The following LRP1B variants were observed in gnomAD, a reference collection of about 807,000 sequenced individuals.
LRP1B encodes LDL receptor related protein 1B.
In LRP1B, 217 loss-of-function variants were observed where a neutral mutation model predicts 556.6. The observed-to-expected ratio is 0.39, with a 90% CI of 0.35 to 0.44. The LOEUF is 0.44. Among genes scored for constraint, LRP1B ranks in the 20% least tolerant of loss-of-function variants. LRP1B has a pLI of 1.00. For missense variants in LRP1B, 5,053 were observed against 5,620.8 expected, an observed-to-expected ratio of 0.90 and a Z score of 3.23; for synonymous variants, 2,047 against 1,865.8, an observed-to-expected ratio of 1.10 and a Z score of -2.50.
At chr2:140,430,934 G>A (rs1291756118) in intron 66 of LRP1B, among the ~76,000 whole-genome samples, 2 of 152,134 alleles carry the variant, frequency 1.3e-5, no homozygotes, top group Non-Finnish European at 2.9e-5. Context: ...TTACTCACAT[G>A]CCCTGAGTCA....
intron 3 of LRP1B, among the ~76,000 whole-genome samples, chr2:141,428,034 G>T (rs894707037): frequency 2.0e-5 from 3 of 152,076 alleles, no homozygotes; most frequent in Non-Finnish European, 2.9e-5. Context: ...AAGCCCTCTG[G>T]ATGTTATCCC....
intron 2 of LRP1B, among the ~76,000 whole-genome samples, chr2:141,562,625 C>A: frequency 6.6e-6 from 1 of 151,792 alleles, no homozygotes; most frequent in Non-Finnish European, 1.5e-5. Context: ...CAAGGGTATT[C>A]CAGGCAGAGA....
chr2:140,643,486 G>A (rs1346835999), intron 41 of LRP1B, among the ~76,000 whole-genome samples: 2 of 152,104 alleles, frequency 1.3e-5, no homozygotes, highest in Non-Finnish European at 2.9e-5. Flanking sequence ...ACATTTAAAT[G>A]ACAGAACAAG....
In LRP1B at chr2:140,324,043, C is replaced by T. The variant is rs201307818; in HGVS notation, c.12364G>A (p.Asp4122Asn). The T allele has an allele frequency of 1.1e-4, 179 of 1,607,832 alleles. No homozygotes were observed. The highest frequency in any genetic ancestry group is 1.7e-4 in the Middle Eastern group (1 of 6,048). The part of the protein sequence containing the change: ...KQGLLHPHRI[D>N]IFEDYIYGAG... ...CCATATATATAATCTTCAAAGATAT[C>T]GATCCTATGTGGATGTAATAAACCT... Residue 4122 changes from aspartate to asparagine, a missense_variant, in exon 81 of 91, where the codon GAT becomes AAT. Asp to Asn is a conservative substitution (Grantham distance 23, BLOSUM62 1). Coordinates refer to ENST00000389484, the MANE Select transcript of LRP1B (RefSeq NM_018557.3).
intron 85 of LRP1B, among the ~76,000 whole-genome samples, chr2:140,271,890 TAA>T (rs1682476358): frequency 6.6e-6 from 1 of 151,012 alleles, no homozygotes. Flanking sequence ...TTGAAAATAA[TAA>T]AGTCAAAAAA....
At chr2:141,149,373 TG>T (rs1701865219) in intron 7 of LRP1B, among the ~76,000 whole-genome samples, 1 of 152,124 alleles carries the variant, frequency 6.6e-6, no homozygotes, top group Non-Finnish European at 1.5e-5. Flanking sequence ...GAATATTACG[TG>T]AATAGTTGTA....
chr2:140,783,275 G>A (rs977882137), intron 32 of LRP1B, among the ~76,000 whole-genome samples: 1 of 151,800 alleles, frequency 6.6e-6, no homozygotes, highest in African/African-American at 2.4e-5. Context: ...CTTAAAATTA[G>A]ATTTTTCTAA....
At chr2:140,569,781 C>A (rs1681255698) in intron 43 of LRP1B, among the ~76,000 whole-genome samples, 2 of 151,700 alleles carry the variant, frequency 1.3e-5, no homozygotes, top group African/African-American at 2.4e-5. Context: ...CCAGGATAGA[C>A]CATATTTTAG....
chr2:140,782,508 C>T (rs1466539698), intron 32 of LRP1B, among the ~76,000 whole-genome samples: 1 of 152,084 alleles, frequency 6.6e-6, no homozygotes, highest in Non-Finnish European at 1.5e-5. Flanking sequence ...GCCCTGCCAA[C>T]ACCTTGATCT....
intron 2 of LRP1B, among the ~76,000 whole-genome samples, chr2:141,544,865 C>T (rs1479771119): frequency 6.6e-6 from 1 of 151,420 alleles, no homozygotes; most frequent in Non-Finnish European, 1.5e-5. Context: ...GGTGTTTCAC[C>T]ATGTTTTCTA....
intron 3 of LRP1B, among the ~76,000 whole-genome samples, chr2:141,300,286 A>T (rs550363772): frequency 6.6e-6 from 1 of 152,310 alleles, no homozygotes; most frequent in East Asian, 1.9e-4. Context: ...GATTGAGGGA[A>T]TCCCAAAGTC....
At chr2:141,179,241 T>G (rs186495575) in intron 7 of LRP1B, among the ~76,000 whole-genome samples, 32 of 152,144 alleles carry the variant, frequency 2.1e-4, no homozygotes, top group African/African-American at 6.3e-4. Flanking sequence ...GGTCCCAGAT[T>G]GAATTTATGA....
intron 7 of LRP1B, among the ~76,000 whole-genome samples, chr2:141,174,051 G>A (rs1680627553): frequency 6.6e-6 from 1 of 151,390 alleles, no homozygotes; most frequent in African/African-American, 2.4e-5. Context: ...TATTATGCAA[G>A]CACTACATTT....
intron 43 of LRP1B, among the ~76,000 whole-genome samples, chr2:140,571,758 T>C (rs1681330597): frequency 6.6e-6 from 1 of 151,438 alleles, no homozygotes. Context: ...CTTCAAAATA[T>C]AGTTGTAAAA....
intron 35 of LRP1B, among the ~76,000 whole-genome samples, chr2:140,723,689 G>A (rs1051192466): frequency 5.3e-5 from 8 of 152,132 alleles, no homozygotes; most frequent in African/African-American, 1.7e-4. Flanking sequence ...ATTATCTCTT[G>A]TTGCCATATG....
chr2:141,826,360 T>C (rs1307210819), intron 1 of LRP1B, among the ~76,000 whole-genome samples: 2 of 140,228 alleles, frequency 1.4e-5, no homozygotes, highest in African/African-American at 2.6e-5. Context: ...AGAAGTTTTT[T>C]TTTTTTTTTT....
intron 6 of LRP1B, among the ~76,000 whole-genome samples, chr2:141,198,688 C>A (rs1395895356): frequency 6.6e-6 from 1 of 152,094 alleles, no homozygotes. Flanking sequence ...GCACAGGCCA[C>A]AAGCCAATTT....
At chr2:140,820,465 G>A (rs762241924) in intron 31 of LRP1B, among the ~76,000 whole-genome samples, 9 of 152,040 alleles carry the variant, frequency 5.9e-5, no homozygotes, top group South Asian at 2.1e-4. Context: ...CATTTCCTCC[G>A]TCCTTCCTAA....
In LRP1B at chr2:140,419,725, A is replaced by G. The variant is rs78262987; in HGVS notation, c.10414+22779T>C. On this transcript the variant is annotated intron_variant, in intron 66 of 90. Transcript: ENST00000389484. ...CAAAGGATAAACAAAAAGTGAAGTTAGGCCAGGCATGGTGGCTCATTCCCA... is the reference window on the plus strand; with the variant it reads ...CAAAGGATAAACAAAAAGTGAAGTTGGGCCAGGCATGGTGGCTCATTCCCA... Among the ~76,000 whole-genome samples the G allele has an allele frequency of 0.01, 1,556 of 152,288 alleles. 53 individuals are homozygous for G. The East Asian group carries it at 0.14, about 14-fold the overall frequency.
Sources: gnomAD v4.1 joint callset for allele counts (sites outside exome capture counted in the v4.1 genomes callset) on GRCh38, gnomAD v4.1.1 for gene constraint, MANE v1.5 for transcripts, NCBI Gene and HGNC (gene_info 2026-07-23, HGNC 2026-07-21) for gene names.